The following ASXL3 variants were observed in gnomAD, a reference collection of about 807,000 sequenced individuals.
The protein encoded by ASXL3 is putative Polycomb group protein ASXL3.
Under a neutral mutation model 170.6 loss-of-function variants are expected in ASXL3, and 34 were observed. The ratio of observed to expected loss-of-function variants is 0.20; its 90% CI spans 0.15 to 0.27. The LOEUF is 0.27. Among genes scored for constraint, ASXL3 ranks in the 10% least tolerant of loss-of-function variants. ASXL3 has a pLI of 1.00. For synonymous variants in ASXL3, 1,002 were observed against 989.1 expected, an observed-to-expected ratio of 1.01 and a Z score of -0.24; for missense variants, 2,592 against 2,695.3, an observed-to-expected ratio of 0.96 and a Z score of 0.85.
intron 7 of ASXL3, among the ~76,000 whole-genome samples, chr18:33,675,571 A>AT (rs1405706102): frequency 1.3e-5 from 2 of 152,070 alleles, no homozygotes; most frequent in Non-Finnish European, 2.9e-5. Context: ...TTAGTCTACA[A>AT]TTTTTTTCTC....
intron 8 of ASXL3, among the ~76,000 whole-genome samples, chr18:33,695,711 C>A (rs796878173): frequency 2.0e-5 from 3 of 152,166 alleles, no homozygotes; most frequent in African/African-American, 7.2e-5. Flanking sequence ...AATCACTTAA[C>A]CTGAATAACA....
chr18:33,740,415 G>A lies in ASXL3; in HGVS notation c.3011G>A (p.Arg1004Lys), dbSNP rs768589891. ...CCACCTGAGAAAGAACAGCCTCCCAGAGAGGAACCAAGGGTTCCCCCTCTC... is the reference window on the plus strand; with the variant it reads ...CCACCTGAGAAAGAACAGCCTCCCAAAGAGGAACCAAGGGTTCCCCCTCTC... ...SSPPEKEQPP[R>K]EEPRVPPLKI... is the part of the protein sequence containing the mutation. The change falls in exon 11 of 12, where the codon AGA becomes AAA. Residue 1004 changes from arginine to lysine, a missense_variant. Physicochemically the swap from Arg to Lys is conservative, Grantham distance 26. Transcript: ENST00000269197. 4 of 1,590,626 alleles carry A rather than the reference G, an allele frequency of 2.5e-6. No homozygotes were observed. The highest frequency in any genetic ancestry group is 1.4e-5 in the African/African-American group (1 of 73,276).
At chr18:33,722,563 G>GTGC (rs980073378) in intron 8 of ASXL3, among the ~76,000 whole-genome samples, 1 of 152,124 alleles carries the variant, frequency 6.6e-6, no homozygotes, top group African/African-American at 2.4e-5. Flanking sequence ...AGGTGAAGAT[G>GTGC]TGCTAGAAGG....
intron 4 of ASXL3, among the ~76,000 whole-genome samples, chr18:33,660,259 A>G (rs1393495694): frequency 6.6e-6 from 1 of 152,154 alleles, no homozygotes; most frequent in Non-Finnish European, 1.5e-5. Flanking sequence ...TTGGAAGTGT[A>G]TGGCATTAAT....
At chr18:33,624,461 A>T (rs531177785) in intron 2 of ASXL3, among the ~76,000 whole-genome samples, 19 of 152,152 alleles carry the variant, frequency 1.2e-4, no homozygotes, top group South Asian at 2.1e-4. Flanking sequence ...ATTTTGGTGG[A>T]GGCAGTGGTG....
Position 33,699,541 on chromosome 18 carries a change from G to A in ASXL3, c.879+15973G>A, listed in dbSNP as rs117518277. On this transcript the variant is annotated intron_variant, in intron 8 of 11. Coordinates refer to ENST00000269197, the MANE Select transcript of ASXL3 (RefSeq NM_030632.3). ...TTGAGAGTTTACCATGCATTTCACC[G>A]ATGTGGTTCACTGGTGATCTTGACA... 2.2e-3 allele frequency among the ~76,000 whole-genome samples: 342 copies of A among 152,178 alleles called. 9 individuals carry two copies. The East Asian group carries it at 0.047, about 21-fold the overall frequency.
intron 8 of ASXL3, among the ~76,000 whole-genome samples, chr18:33,723,762 G>GT (rs1285061302): frequency 6.6e-6 from 1 of 152,116 alleles, no homozygotes; most frequent in Non-Finnish European, 1.5e-5. Flanking sequence ...CTACAGATAA[G>GT]TTTTTTGGGA....
At chr18:33,692,517 C>T (rs1223796190) in intron 8 of ASXL3, among the ~76,000 whole-genome samples, 1 of 152,142 alleles carries the variant, frequency 6.6e-6, no homozygotes, top group Non-Finnish European at 1.5e-5. Context: ...TCAAAGTCCT[C>T]CTCACAAAAG....
intron 1 of ASXL3, among the ~76,000 whole-genome samples, chr18:33,588,466 T>C (rs867672348): frequency 2.6e-5 from 4 of 151,296 alleles, no homozygotes; most frequent in African/African-American, 9.7e-5. Context: ...TGAAAACACA[T>C]AGACAAGGTC....
intron 8 of ASXL3, among the ~76,000 whole-genome samples, chr18:33,717,794 AC>A (rs1359346295): frequency 6.6e-6 from 1 of 152,098 alleles, no homozygotes; most frequent in African/African-American, 2.4e-5. Context: ...ACCAGGATAT[AC>A]AGAAATTAAA....
In ASXL3 at chr18:33,743,659, A is replaced by C. The variant is rs1431024957; in HGVS notation, c.3811A>C (p.Asn1271His). Residue 1271 changes from asparagine to histidine, a missense_variant, in exon 12 of 12, where the codon AAC (asparagine) becomes CAC (histidine). Asn to His is a moderately conservative substitution (Grantham distance 68, BLOSUM62 1). Transcript: ENST00000269197. The stretch of plus-strand genomic sequence containing the variant: ...TGTCCTAATGTCTGTTGACAGTGCA[A>C]ACACTACAATTTCTGCTTGTAATAT... ...SSVLMSVDSA[N>H]TTISACNISM... is the part of the protein sequence containing the mutation. The C allele has an allele frequency of 1.2e-6, 2 of 1,613,688 alleles. No individual in the cohort carries two copies. The highest frequency in any genetic ancestry group is 2.7e-5 in the African/African-American group (2 of 74,902).
intron 1 of ASXL3, among the ~76,000 whole-genome samples, chr18:33,592,794 A>T (rs549668690): frequency 1.3e-5 from 2 of 152,308 alleles, no homozygotes; most frequent in Admixed American, 6.5e-5. Context: ...AAACAAGGTT[A>T]AGTTCTTTTG....
intron 2 of ASXL3, among the ~76,000 whole-genome samples, chr18:33,636,010 GGTGTAAACAATT>G (rs1238456691): frequency 6.6e-6 from 1 of 152,106 alleles, no homozygotes; most frequent in Non-Finnish European, 1.5e-5. Flanking sequence ...GAAAGTTAAA[GGTGTAAACAATT>G]TTCAAAGAAA....
Position 33,739,335 on chromosome 18 carries a change from C to G in ASXL3, c.1931C>G (p.Ser644Cys), listed in dbSNP as rs754264370. ...TCAGAAGAATCATGTACTCCAGCCT[C>G]CCTTGAGACAACATTTTGTTCTGAG... ...STSEESCTPASLETTFCSEVS... is the reference protein window; with the variant it reads ...STSEESCTPACLETTFCSEVS... Residue 644 changes from serine to cysteine, a missense_variant, in exon 11 of 12, where the codon TCC becomes TGC. Physicochemically the swap from Ser to Cys is moderately radical, Grantham distance 112. Around this residue, in one of 4 missense-constraint regions of ASXL3, gnomAD observed 2,246 missense variants for 2,219.6 expected, o/e 1.01. Transcript: ENST00000269197. The G allele has an allele frequency of 2.5e-6, 4 of 1,613,510 alleles. No homozygotes were observed. The East Asian group carries it at 8.9e-5, about 36-fold the overall frequency.
chr18:33,604,003 T>G (rs1204749332), intron 1 of ASXL3, among the ~76,000 whole-genome samples: 1 of 152,050 alleles, frequency 6.6e-6, no homozygotes. Flanking sequence ...TTAGCGAAAC[T>G]CAGCAGTTTT....
At chr18:33,581,476 T>A (rs1029869243) in intron 1 of ASXL3, among the ~76,000 whole-genome samples, 1 of 150,814 alleles carries the variant, frequency 6.6e-6, no homozygotes, top group Non-Finnish European at 1.5e-5. Flanking sequence ...GGAGTGAGTG[T>A]GTGTGTGTGT....
At chr18:33,596,979 A>AT (rs1271346001) in intron 1 of ASXL3, among the ~76,000 whole-genome samples, 1 of 151,920 alleles carries the variant, frequency 6.6e-6, no homozygotes, top group African/African-American at 2.4e-5. Flanking sequence ...CGCTTGGCTA[A>AT]TTTTTTTATC....
intron 8 of ASXL3, among the ~76,000 whole-genome samples, chr18:33,730,177 G>A (rs1271103492): frequency 6.6e-6 from 1 of 151,990 alleles, no homozygotes; most frequent in African/African-American, 2.4e-5. Flanking sequence ...GTTGCTCCTG[G>A]GATCTACTGG....
At chr18:33,692,062 T>C (rs922977761) in intron 8 of ASXL3, among the ~76,000 whole-genome samples, 18 of 152,220 alleles carry the variant, frequency 1.2e-4, no homozygotes, top group African/African-American at 4.1e-4. Context: ...AACTCCAAGC[T>C]TATGCTTTTT....
Sources: allele counts gnomAD v4.1 joint callset (sites outside exome capture counted in the v4.1 genomes callset), GRCh38; gene constraint gnomAD v4.1.1; regional missense constraint gnomAD v4.1.1; transcripts MANE v1.5; gene names NCBI Gene and HGNC (gene_info 2026-07-23, HGNC 2026-07-21).